TMEM232: variants seen among roughly 807,000 people sequenced by gnomAD.
The protein encoded by TMEM232 is transmembrane protein 232.
TMEM232 carries 80 observed loss-of-function variants against 78.8 expected under a neutral mutation model. The observed-to-expected ratio is 1.01, with a 90% CI of 0.85 to 1.22. The LOEUF is 1.22. Ranked by LOEUF, TMEM232 falls within the 50% of genes most tolerant of loss-of-function variation. The probability of loss-of-function intolerance (pLI) is 0.00; values close to 1 mark genes in which losing one functional copy is unlikely to be tolerated. For missense variants in TMEM232, 881 were observed against 742.2 expected (o/e 1.19, Z -2.17); for synonymous variants, 297 against 254.3 (o/e 1.17, Z -1.60).
intron 1 of TMEM232, among the ~76,000 whole-genome samples, chr5:110,694,468 T>C (rs543392186): frequency 6.6e-6 from 1 of 152,144 alleles, no homozygotes; most frequent in South Asian, 2.1e-4. Context: ...TAACCTTAAA[T>C]GGAAATGGGC....
intron 1 of TMEM232, among the ~76,000 whole-genome samples, chr5:110,698,868 G>T (rs1422832145): frequency 3.3e-5 from 5 of 152,018 alleles, no homozygotes; most frequent in African/African-American, 1.2e-4. Context: ...TCTTTTGTCT[G>T]TACCAACCCT....
At chr5:110,549,190 A>G (rs1275418775) in intron 11 of TMEM232, among the ~76,000 whole-genome samples, 1 of 152,170 alleles carries the variant, frequency 6.6e-6, no homozygotes, top group Non-Finnish European at 1.5e-5. Context: ...GACAAGGAAT[A>G]AAGTTCAATA....
chr5:110,717,987 G>A (rs1244357808), intron 1 of TMEM232, among the ~76,000 whole-genome samples: 2 of 152,052 alleles, frequency 1.3e-5, no homozygotes, highest in Admixed American at 6.6e-5. Context: ...GTTCAAATCT[G>A]TATGTGTTTA....
intron 11 of TMEM232, among the ~76,000 whole-genome samples, chr5:110,555,746 C>A (rs1403953607): frequency 6.6e-6 from 1 of 152,088 alleles, no homozygotes; most frequent in Non-Finnish European, 1.5e-5. Context: ...TTTATAATTA[C>A]ATAATGCCCT....
At chr5:110,662,760 T>G (rs944833604) in intron 2 of TMEM232, among the ~76,000 whole-genome samples, 31 of 152,130 alleles carry the variant, frequency 2.0e-4, no homozygotes, top group Non-Finnish European at 2.9e-5. Context: ...TATGTCGTAT[T>G]GATGAATTGA....
chr5:110,700,948 T>A (rs535087712), intron 1 of TMEM232, among the ~76,000 whole-genome samples: 1 of 152,084 alleles, frequency 6.6e-6, no homozygotes, highest in South Asian at 2.1e-4. Flanking sequence ...ATTAGGGGTA[T>A]CTAATCAACC....
intron 1 of TMEM232, among the ~76,000 whole-genome samples, chr5:110,696,996 T>C (rs1184033529): frequency 6.6e-6 from 1 of 152,004 alleles, no homozygotes; most frequent in Non-Finnish European, 1.5e-5. Context: ...CCAAGTCAAT[T>C]CTGAGCCAAA....
At chr5:110,716,241 T>G (rs1203889946) in intron 1 of TMEM232, among the ~76,000 whole-genome samples, 1 of 152,174 alleles carries the variant, frequency 6.6e-6, no homozygotes, top group African/African-American at 2.4e-5. Flanking sequence ...CCGATCTTTT[T>G]GGCACCAGAG....
chr5:110,738,694 C>A, upstream of TMEM232: 1 of 232,310 alleles, frequency 4.3e-6, no homozygotes, highest in South Asian at 5.3e-5. Flanking sequence ...GTAGCTGTGA[C>A]ATGGGGTATT....
intron 2 of TMEM232, among the ~76,000 whole-genome samples, chr5:110,399,634 T>C (rs1378458151): frequency 6.6e-6 from 1 of 152,142 alleles, no homozygotes; most frequent in Non-Finnish European, 1.5e-5. Flanking sequence ...TGTCCTGGGA[T>C]TCTCCCCAGC....
At chr5:110,416,545 G>C (rs990572233), downstream of TMEM232, among the ~76,000 whole-genome samples, 1 of 152,172 alleles carries the variant, frequency 6.6e-6, no homozygotes, top group African/African-American at 2.4e-5. Context: ...ACGTTTGAAA[G>C]CAACCCCAAA....
At chr5:110,480,696 T>C (rs556493801) in intron 12 of TMEM232, among the ~76,000 whole-genome samples, 2 of 152,216 alleles carry the variant, frequency 1.3e-5, no homozygotes, top group Admixed American at 1.3e-4. Context: ...ATTTCAAAGA[T>C]GATTCTATTT....
intron 5 of TMEM232, among the ~76,000 whole-genome samples, chr5:110,628,554 C>T (rs1784706500): frequency 6.6e-6 from 1 of 151,750 alleles, no homozygotes; most frequent in South Asian, 2.1e-4. Flanking sequence ...AATATATAAT[C>T]TGCAACATTT....
chr5:110,525,177 A>G (rs1462222101), intron 12 of TMEM232, among the ~76,000 whole-genome samples: 1 of 151,814 alleles, frequency 6.6e-6, no homozygotes, highest in African/African-American at 2.4e-5. Flanking sequence ...AGAAAAAAAA[A>G]AAAGCCCATC....
intron 1 of TMEM232, among the ~76,000 whole-genome samples, chr5:110,669,161 A>AC (rs1391671153): frequency 6.6e-6 from 1 of 152,014 alleles, no homozygotes; most frequent in Non-Finnish European, 1.5e-5. Context: ...AGACACAAAA[A>AC]ACACTTCAAA....
At chr5:110,411,520 T>G (rs1755995251) in intron 2 of TMEM232, among the ~76,000 whole-genome samples, 1 of 152,206 alleles carries the variant, frequency 6.6e-6, no homozygotes, top group Non-Finnish European at 1.5e-5. Flanking sequence ...AATTCAGTAG[T>G]GTCAAGTATA....
At chr5:110,730,418 T>C (rs1468306707), upstream of TMEM232, among the ~76,000 whole-genome samples, 1 of 152,236 alleles carries the variant, frequency 6.6e-6, no homozygotes, top group Non-Finnish European at 1.5e-5. Flanking sequence ...TTATGTGATA[T>C]CAGTTTAGTT....
intron 2 of TMEM232, among the ~76,000 whole-genome samples, chr5:110,654,487 C>G (rs1267166611): frequency 6.6e-6 from 1 of 152,114 alleles, no homozygotes; most frequent in African/African-American, 2.4e-5. Context: ...TCTGAGGGCT[C>G]TGTTCTATTC....
chr5:110,566,258 A>G (rs142144263), intron 11 of TMEM232, among the ~76,000 whole-genome samples: 3,828 of 151,980 alleles, frequency 0.025, 51 homozygotes, highest in African/African-American at 0.034. Flanking sequence ...CAGAGCTCCT[A>G]GGCCTCCAAG....
Sources: allele counts gnomAD v4.1 joint callset (sites outside exome capture counted in the v4.1 genomes callset), GRCh38; gene constraint gnomAD v4.1.1; transcripts MANE v1.5; gene names NCBI Gene and HGNC (gene_info 2026-07-23, HGNC 2026-07-21).